Variants in ASAP2 observed in about 807,000 individuals in gnomAD.
ASAP2 encodes the protein arf-GAP with SH3 domain, ANK repeat and PH domain-containing protein 2.
ASAP2 carries 45 observed loss-of-function variants against 131.4 expected under a neutral mutation model. The ratio of observed to expected loss-of-function variants is 0.34; its 90% CI spans 0.27 to 0.44. ASAP2 has a LOEUF of 0.44. Ranked by LOEUF, ASAP2 falls within the 20% of genes least tolerant of loss-of-function variation. The pLI, the probability that ASAP2 is intolerant of heterozygous loss-of-function variation, is 1.00. For missense variants in ASAP2, 1,011 were observed against 1,297.0 expected (o/e 0.78, Z 3.39); for synonymous variants, 510 against 503.0 (o/e 1.01, Z -0.19).
At chr2:9,325,440 G>A (rs964090774) in intron 6 of ASAP2, among the ~76,000 whole-genome samples, 2 of 152,228 alleles carry the variant, frequency 1.3e-5, no homozygotes, top group Admixed American at 6.5e-5. Flanking sequence ...GTGAAATTAA[G>A]TAGTAGTGTT....
chr2:9,261,625 C>G (rs569467953), intron 1 of ASAP2, among the ~76,000 whole-genome samples: 1 of 152,254 alleles, frequency 6.6e-6, no homozygotes, highest in East Asian at 1.9e-4. Context: ...GTAGGCCTTT[C>G]TTTCCCTGGG....
intron 16 of ASAP2, among the ~76,000 whole-genome samples, chr2:9,371,844 C>T (rs1014959618): frequency 6.6e-6 from 1 of 152,106 alleles, no homozygotes; most frequent in African/African-American, 2.4e-5. Context: ...GGGCCGGGCG[C>T]GGTGGCTCAC....
At chr2:9,243,901 G>A (rs1367571670) in intron 1 of ASAP2, among the ~76,000 whole-genome samples, 2 of 152,176 alleles carry the variant, frequency 1.3e-5, no homozygotes, top group Non-Finnish European at 2.9e-5. Context: ...TCCCTCCCCA[G>A]AATAAATGTG....
intron 21 of ASAP2, among the ~76,000 whole-genome samples, chr2:9,386,436 C>T (rs745466090): frequency 6.6e-5 from 10 of 151,720 alleles, no homozygotes; most frequent in Non-Finnish European, 1.3e-4. Flanking sequence ...CTTCATCAAG[C>T]GGTCAGATGC....
intron 9 of ASAP2, among the ~76,000 whole-genome samples, chr2:9,338,889 G>A (rs1671399774): frequency 6.6e-6 from 1 of 152,100 alleles, no homozygotes. Flanking sequence ...ATGATTAGGA[G>A]TTGGCAGGCC....
intron 1 of ASAP2, among the ~76,000 whole-genome samples, chr2:9,256,223 A>C (rs1328733132): frequency 6.6e-6 from 1 of 152,000 alleles, no homozygotes; most frequent in African/African-American, 2.4e-5. Flanking sequence ...TCATTTAATG[A>C]ATATTTATTG....
chr2:9,397,329 G>A (rs886687737), intron 24 of ASAP2, among the ~76,000 whole-genome samples: 8 of 152,190 alleles, frequency 5.3e-5, no homozygotes, highest in African/African-American at 7.2e-5. Flanking sequence ...TCTCAGAAGC[G>A]TTCTAGCTGG....
intron 1 of ASAP2, among the ~76,000 whole-genome samples, chr2:9,219,315 T>C (rs961852592): frequency 5.9e-5 from 9 of 152,168 alleles, no homozygotes; most frequent in Non-Finnish European, 1.3e-4. Flanking sequence ...TGTGTTTATG[T>C]TGTGGAGCAG....
At chr2:9,275,100 A>G in intron 1 of ASAP2, among the ~76,000 whole-genome samples, 1 of 89,344 alleles carries the variant, frequency 1.1e-5, no homozygotes. Context: ...TTTTTTTTTA[A>G]GAGACAGGGT....
chr2:9,381,980 C>CTTTT (rs759499289), intron 20 of ASAP2, among the ~76,000 whole-genome samples: 12 of 115,958 alleles, frequency 1.0e-4, no homozygotes, highest in African/African-American at 2.7e-4. Context: ...CTCATTTAAT[C>CTTTT]TTTTTTTTTT....
rs991897012 is a variant in ASAP2 at position 9,401,538 on chromosome 2, C to T, written c.2946+142C>T. Reference sequence around the variant, plus strand: ...TCCTGGTGCCTCCGCCCCTTAGCATCCTCAGGAGCTGCTTCCTCCATGGAC... The same window carrying T: ...TCCTGGTGCCTCCGCCCCTTAGCATTCTCAGGAGCTGCTTCCTCCATGGAC... On this transcript the variant is annotated intron_variant, in intron 27 of 27. Transcript: ENST00000281419. 6 of 1,145,232 alleles carry T rather than the reference C, an allele frequency of 5.2e-6. No homozygotes were observed. The Admixed American group carries it at 1.4e-4, about 26-fold the overall frequency. The allele number at this position is 1,145,232 out of a possible 1,614,324, so 70.9% of individuals were successfully genotyped here. A position where few individuals can be genotyped will look rare whatever the true frequency, so the allele number is the denominator to read the frequency against.
At chr2:9,352,033 G>C (rs1373548717) in intron 12 of ASAP2, among the ~76,000 whole-genome samples, 3 of 152,180 alleles carry the variant, frequency 2.0e-5, no homozygotes, top group African/African-American at 7.2e-5. Context: ...ATTCATACAA[G>C]ATGTTATAAA....
chr2:9,294,749 A>T, intron 2 of ASAP2, among the ~76,000 whole-genome samples: 1 of 152,178 alleles, frequency 6.6e-6, no homozygotes, highest in Non-Finnish European at 1.5e-5. Flanking sequence ...GGCTGCATAG[A>T]GTCTTCAGCT....
chr2:9,226,795 G>A (rs897651929), intron 1 of ASAP2, among the ~76,000 whole-genome samples: 2 of 152,174 alleles, frequency 1.3e-5, no homozygotes, highest in Non-Finnish European at 2.9e-5. Flanking sequence ...CTCTTCCCTG[G>A]CCTAACATCA....
intron 19 of ASAP2, among the ~76,000 whole-genome samples, chr2:9,379,727 T>C (rs79250389): frequency 4.7e-4 from 72 of 152,236 alleles, no homozygotes; most frequent in African/African-American, 1.7e-3. Flanking sequence ...TCAGACCTCA[T>C]TGACTGAGGC....
At chr2:9,271,341 A>G (rs1426130375) in intron 1 of ASAP2, 2 of 1,088,994 alleles carry the variant, frequency 1.8e-6, no homozygotes, top group African/African-American at 1.5e-5. Flanking sequence ...TCTACGAGGA[A>G]CTGGCATAAT....
At chr2:9,228,721 G>A (rs920834376) in intron 1 of ASAP2, among the ~76,000 whole-genome samples, 18 of 152,162 alleles carry the variant, frequency 1.2e-4, no homozygotes, top group Admixed American at 1.2e-3. Flanking sequence ...AGCAGAATGC[G>A]TATGTGAACT....
intron 27 of ASAP2, 64 bp from the exon 28 acceptor site, chr2:9,403,189 G>A: frequency 7.0e-7 from 1 of 1,434,126 alleles, no homozygotes; most frequent in Non-Finnish European, 9.8e-7. Context: ...TCTATGTAAT[G>A]CTCTTCAAAG....
chr2:9,249,540 A>G (rs538678194), intron 1 of ASAP2, among the ~76,000 whole-genome samples: 45 of 152,204 alleles, frequency 3.0e-4, no homozygotes, highest in Non-Finnish European at 5.7e-4. Flanking sequence ...GCCCTGTAGG[A>G]GGAATTGCTG....
Sources: gnomAD v4.1 joint callset for allele counts (sites outside exome capture counted in the v4.1 genomes callset) on GRCh38, gnomAD v4.1.1 for gene constraint, MANE v1.5 for transcripts, NCBI Gene and HGNC (gene_info 2026-07-23, HGNC 2026-07-21) for gene names.